Variants in NCALD observed in about 807,000 individuals in gnomAD.
NCALD encodes the protein neurocalcin delta, also known as neurocalcin-delta.
In NCALD, 10 loss-of-function variants were observed where a neutral mutation model predicts 18.6. The ratio of observed to expected loss-of-function variants is 0.54; its 90% CI spans 0.33 to 0.91. The LOEUF is 0.91. Ranked by LOEUF, NCALD falls within the 40% of genes least tolerant of loss-of-function variation. The pLI, the probability that NCALD is intolerant of heterozygous loss-of-function variation, is 0.03. For synonymous variants in NCALD, 88 were observed against 87.4 expected, an observed-to-expected ratio of 1.01 and a Z score of -0.04; for missense variants, 184 against 247.6, an observed-to-expected ratio of 0.74 and a Z score of 1.72.
chr8:101,831,206 G>A (rs897178013), intron 4 of NCALD, among the ~76,000 whole-genome samples: 2 of 152,144 alleles, frequency 1.3e-5, no homozygotes, highest in Admixed American at 6.5e-5. Context: ...TACATGTATA[G>A]GCCACTGGTC....
chr8:101,975,806 C>T (rs934707491), intron 2 of NCALD, among the ~76,000 whole-genome samples: 9 of 152,296 alleles, frequency 5.9e-5, no homozygotes, highest in African/African-American at 2.2e-4. Context: ...GGAGAGTATG[C>T]AAGCTGTGTT....
chr8:102,061,682 G>A (rs888626518), intron 1 of NCALD, among the ~76,000 whole-genome samples: 1 of 152,180 alleles, frequency 6.6e-6, no homozygotes, highest in Non-Finnish European at 1.5e-5. Flanking sequence ...ATTTTTAAAT[G>A]TATTCAACAC....
intron 3 of NCALD, chr8:101,691,101 G>A: frequency 1.0e-6 from 1 of 985,366 alleles, no homozygotes; most frequent in Non-Finnish European, 1.2e-6. Flanking sequence ...GGACTGCTCT[G>A]CTCTCGGCAG....
At chr8:102,051,368 C>T (rs1256607242) in intron 1 of NCALD, among the ~76,000 whole-genome samples, 1 of 152,164 alleles carries the variant, frequency 6.6e-6, no homozygotes, top group Non-Finnish European at 1.5e-5. Context: ...AGGACATGGA[C>T]AGGTCTCAGT....
intron 1 of NCALD, among the ~76,000 whole-genome samples, chr8:101,737,517 C>T (rs143173493): frequency 3.0e-4 from 46 of 152,300 alleles, no homozygotes; most frequent in African/African-American, 8.7e-4. Flanking sequence ...CTCTCAAGGC[C>T]GCACCCCAAC....
At chr8:102,102,653 G>C (rs781438080) in intron 1 of NCALD, among the ~76,000 whole-genome samples, 11 of 152,224 alleles carry the variant, frequency 7.2e-5, no homozygotes, top group Admixed American at 5.9e-4. Context: ...TGCCTCAGCA[G>C]CAGCGAGCGT....
At chr8:101,891,643 C>T (rs898427868) in intron 3 of NCALD, among the ~76,000 whole-genome samples, 3 of 152,310 alleles carry the variant, frequency 2.0e-5, no homozygotes, top group African/African-American at 7.2e-5. Context: ...TGGGCGCAGG[C>T]CAGTGGGTGC....
chr8:102,050,790 A>AATCTTTAATTTAATTAATTTAATC (rs1823419114), intron 1 of NCALD, among the ~76,000 whole-genome samples: 1 of 145,464 alleles, frequency 6.9e-6, no homozygotes, highest in Non-Finnish European at 1.5e-5. Context: ...TTAATTAACT[A>AATCTTTAATTTAATTAATTTAATC]ATTTTTAATT....
At chr8:101,829,392 T>C (rs1446205610) in intron 4 of NCALD, among the ~76,000 whole-genome samples, 1 of 152,222 alleles carries the variant, frequency 6.6e-6, no homozygotes, top group Non-Finnish European at 1.5e-5. Context: ...TATACAGTGT[T>C]ATAAAGACTC....
chr8:102,027,400 G>T (rs147181217), intron 1 of NCALD, among the ~76,000 whole-genome samples: 1 of 152,164 alleles, frequency 6.6e-6, no homozygotes, highest in African/African-American at 2.4e-5. Context: ...GCAAAATGCC[G>T]CCAGTTTCTT....
chr8:101,982,480 T>G (rs1015558623), intron 2 of NCALD, among the ~76,000 whole-genome samples: 2 of 152,202 alleles, frequency 1.3e-5, no homozygotes, highest in Non-Finnish European at 2.9e-5. Context: ...AAAGCCACTG[T>G]GCAAGAAGTT....
At chr8:102,119,088 C>T (rs1186494343) in intron 1 of NCALD, among the ~76,000 whole-genome samples, 3 of 152,144 alleles carry the variant, frequency 2.0e-5, no homozygotes, top group Admixed American at 2.0e-4. Context: ...CCCAGAAGAA[C>T]TGAAAACAGG....
At chr8:101,829,469 T>C (rs975888771) in intron 4 of NCALD, among the ~76,000 whole-genome samples, 1 of 152,254 alleles carries the variant, frequency 6.6e-6, no homozygotes, top group African/African-American at 2.4e-5. Context: ...TAACATTTTG[T>C]GTACTTCTGG....
At chr8:101,863,874 A>T (rs1285597614) in intron 4 of NCALD, among the ~76,000 whole-genome samples, 1 of 152,146 alleles carries the variant, frequency 6.6e-6, no homozygotes, top group Non-Finnish European at 1.5e-5. Context: ...ACAGCAAACC[A>T]GGGTTGTGGT....
At chr8:102,105,586 G>A (rs370774047) in intron 1 of NCALD, among the ~76,000 whole-genome samples, 1 of 152,162 alleles carries the variant, frequency 6.6e-6, no homozygotes, top group Non-Finnish European at 1.5e-5. Flanking sequence ...GGGGCCATAC[G>A]TAAGATAAAG....
At chr8:101,722,610 T>C (rs1816411862) in intron 1 of NCALD, among the ~76,000 whole-genome samples, 1 of 152,238 alleles carries the variant, frequency 6.6e-6, no homozygotes, top group South Asian at 2.1e-4. Context: ...ATGTCTCCAA[T>C]GTATAAAGCA....
intron 2 of NCALD, among the ~76,000 whole-genome samples, chr8:101,931,830 C>G (rs1343309983): frequency 6.6e-6 from 1 of 152,116 alleles, no homozygotes; most frequent in Non-Finnish European, 1.5e-5. Flanking sequence ...TGCTGTTGTT[C>G]TCATTTTACA....
intron 2 of NCALD, among the ~76,000 whole-genome samples, chr8:101,956,957 C>T (rs983160218): frequency 6.6e-6 from 1 of 151,962 alleles, no homozygotes; most frequent in Non-Finnish European, 1.5e-5. Flanking sequence ...TCTGAAAATG[C>T]CATATTTAAA....
intron 4 of NCALD, among the ~76,000 whole-genome samples, chr8:101,817,942 A>G (rs563634034): frequency 6.6e-6 from 1 of 152,290 alleles, no homozygotes; most frequent in South Asian, 2.1e-4. Flanking sequence ...TAAAGATACA[A>G]TCAGTTCATT....
Sources: gnomAD v4.1 joint callset for allele counts (sites outside exome capture counted in the v4.1 genomes callset) on GRCh38, gnomAD v4.1.1 for gene constraint, MANE v1.5 for transcripts, NCBI Gene and HGNC (gene_info 2026-07-23, HGNC 2026-07-21) for gene names.